HPSE2: variants seen among roughly 807,000 people sequenced by gnomAD.
The protein encoded by HPSE2 is heparanase 2 (inactive).
Under a neutral mutation model 60.5 loss-of-function variants are expected in HPSE2, and 38 were observed. The observed-to-expected ratio is 0.63, with a 90% confidence interval of 0.48 to 0.82. HPSE2 has a LOEUF of 0.82. Ranked by LOEUF, HPSE2 falls within the 40% of genes least tolerant of loss-of-function variation. The pLI is 0.00. For missense variants in HPSE2, 713 were observed against 740.4 expected, an observed-to-expected ratio of 0.96 and a Z score of 0.43; for synonymous variants, 295 against 293.2, an observed-to-expected ratio of 1.01 and a Z score of -0.06.
chr10:98,880,615 G>T (rs1032571204), intron 3 of HPSE2, among the ~76,000 whole-genome samples: 2 of 151,914 alleles, frequency 1.3e-5, no homozygotes, highest in Non-Finnish European at 2.9e-5. Context: ...GACTCCATAT[G>T]CCCTGCTTCC....
chr10:99,136,996 C>A (rs545590466), intron 3 of HPSE2, among the ~76,000 whole-genome samples: 1 of 152,160 alleles, frequency 6.6e-6, no homozygotes, highest in African/African-American at 2.4e-5. Flanking sequence ...AAAACCCCAT[C>A]TTCTCAGCCC....
At chr10:98,474,089 A>G (rs1476288143) in intron 11 of HPSE2, among the ~76,000 whole-genome samples, 1 of 152,246 alleles carries the variant, frequency 6.6e-6, no homozygotes, top group Non-Finnish European at 1.5e-5. Context: ...AGTTCAAAAA[A>G]TGTAGGTACC....
intron 9 of HPSE2, among the ~76,000 whole-genome samples, chr10:98,569,135 G>C (rs674013): frequency 0.86 from 129,645 of 150,756 alleles, 56,720 homozygotes; most frequent in East Asian, 1. Context: ...TCGATCTCAG[G>C]TCACTGCAAT....
chr10:98,704,128 A>G (rs892641356), intron 5 of HPSE2, among the ~76,000 whole-genome samples: 2 of 151,974 alleles, frequency 1.3e-5, no homozygotes, highest in Non-Finnish European at 2.9e-5. Context: ...CAATAGACAA[A>G]CAGCCAAATC....
chr10:99,109,623 C>T (rs957793568), intron 3 of HPSE2, among the ~76,000 whole-genome samples: 3 of 152,120 alleles, frequency 2.0e-5, no homozygotes, highest in Non-Finnish European at 4.4e-5. Context: ...AAGAATAAAA[C>T]TGGCAGCATT....
chr10:98,893,504 T>G (rs1264461990), intron 3 of HPSE2, among the ~76,000 whole-genome samples: 2 of 152,082 alleles, frequency 1.3e-5, no homozygotes, highest in Non-Finnish European at 2.9e-5. Flanking sequence ...TAGATTCAAA[T>G]TATAAGAAAG....
intron 3 of HPSE2, among the ~76,000 whole-genome samples, chr10:99,131,518 T>C (rs1318890881): frequency 6.6e-6 from 1 of 152,002 alleles, no homozygotes; most frequent in African/African-American, 2.4e-5. Context: ...TATACACATA[T>C]ACAGAAACAA....
chr10:98,906,133 G>A (rs772489559), intron 3 of HPSE2, among the ~76,000 whole-genome samples: 2 of 152,172 alleles, frequency 1.3e-5, no homozygotes, highest in Non-Finnish European at 2.9e-5. Context: ...AGAGCTTCAG[G>A]CTCACTGAGT....
intron 3 of HPSE2, among the ~76,000 whole-genome samples, chr10:98,893,550 C>G (rs1953399141): frequency 6.6e-6 from 1 of 151,896 alleles, no homozygotes; most frequent in African/African-American, 2.4e-5. Flanking sequence ...AAAGAAAATG[C>G]CTGAACTCCA....
rs545167414 is a variant in HPSE2 at position 98,895,849 on chromosome 10, A to G, written c.611-151793T>C. Among the ~76,000 whole-genome samples the G allele has an allele frequency of 1.2e-4, 17 of 147,002 alleles. No homozygotes were observed. In the East Asian group the frequency reaches 3.5e-3, roughly 30 times the overall value. On this transcript the variant is annotated intron_variant, in intron 3 of 11. Transcript: ENST00000370552. ...CTATCACAAGGACAAAAAACCAAAC[A>G]CTGCATGTTCTCACTCATAGATGGG...
At chr10:99,114,557 C>T (rs890822540) in intron 3 of HPSE2, among the ~76,000 whole-genome samples, 3 of 152,108 alleles carry the variant, frequency 2.0e-5, no homozygotes, top group African/African-American at 4.8e-5. Context: ...TTCTGAAATT[C>T]ATAAAGACAA....
chr10:98,684,193 A>G (rs1947853970), intron 6 of HPSE2, among the ~76,000 whole-genome samples: 1 of 152,196 alleles, frequency 6.6e-6, no homozygotes, highest in Non-Finnish European at 1.5e-5. Flanking sequence ...AATCCCCAGG[A>G]TAATGGTGAA....
intron 2 of HPSE2, among the ~76,000 whole-genome samples, chr10:99,197,420 T>A (rs1848439104): frequency 6.6e-6 from 1 of 152,226 alleles, no homozygotes; most frequent in African/African-American, 2.4e-5. Context: ...GGATACCCCA[T>A]TCTCCATTAT....
chr10:98,827,355 A>G (rs1382111436), intron 3 of HPSE2, among the ~76,000 whole-genome samples: 1 of 151,836 alleles, frequency 6.6e-6, no homozygotes, highest in Non-Finnish European at 1.5e-5. Context: ...ACAGGCATGC[A>G]CCACCACGCC....
At chr10:98,864,740 C>A (rs940156149) in intron 3 of HPSE2, among the ~76,000 whole-genome samples, 3 of 152,102 alleles carry the variant, frequency 2.0e-5, no homozygotes, top group Non-Finnish European at 4.4e-5. Context: ...TGTGTATGAC[C>A]AGGTTTTTTT....
intron 3 of HPSE2, among the ~76,000 whole-genome samples, chr10:98,817,015 T>C (rs2134595008): frequency 6.6e-6 from 1 of 152,216 alleles, no homozygotes; most frequent in East Asian, 1.9e-4. Context: ...CTTCTCTGCT[T>C]CCTTGGACTG....
chr10:99,178,329 G>A (rs2133821644), intron 2 of HPSE2, among the ~76,000 whole-genome samples: 1 of 151,904 alleles, frequency 6.6e-6, no homozygotes, highest in South Asian at 2.1e-4. Context: ...ATGAGTCCAG[G>A]AGCTGGTTTT....
chr10:98,660,287 C>T (rs770612450), intron 6 of HPSE2, among the ~76,000 whole-genome samples: 3 of 152,130 alleles, frequency 2.0e-5, no homozygotes, highest in Non-Finnish European at 4.4e-5. Context: ...ATACAAATGC[C>T]TGGGATTTCT....
intron 3 of HPSE2, among the ~76,000 whole-genome samples, chr10:98,854,599 G>A (rs774633724): frequency 5.3e-5 from 8 of 152,134 alleles, no homozygotes; most frequent in Non-Finnish European, 8.8e-5. Context: ...AGGGGGACAC[G>A]GGGAAGGACA....
Sources: gnomAD v4.1 joint callset for allele counts (sites outside exome capture counted in the v4.1 genomes callset) on GRCh38, gnomAD v4.1.1 for gene constraint, MANE v1.5 for transcripts, NCBI Gene and HGNC (gene_info 2026-07-23, HGNC 2026-07-21) for gene names.